The following VSNL1 variants were observed in gnomAD, a reference collection of about 807,000 sequenced individuals.
VSNL1 encodes visinin-like protein 1.
VSNL1 carries 6 observed loss-of-function variants against 20.4 expected under a neutral mutation model. That is an observed-to-expected ratio of 0.29 (90% confidence interval 0.16 to 0.58). The LOEUF (loss-of-function observed/expected upper bound fraction) is 0.58, where lower values mean the gene tolerates loss of function less well. VSNL1 is among the 20% of genes least tolerant of loss of function. The pLI is 0.90. For synonymous variants in VSNL1, 93 were observed against 86.4 expected (o/e 1.08, Z -0.42); for missense variants, 100 against 234.5 (o/e 0.43, Z 3.75).
intron 1 of VSNL1, among the ~76,000 whole-genome samples, chr2:17,543,924 A>T (rs1343132881): frequency 6.6e-6 from 1 of 152,086 alleles, no homozygotes; most frequent in Non-Finnish European, 1.5e-5. Flanking sequence ...ATACAATAAC[A>T]TTCTATGCCT....
chr2:17,642,309 C>CTGTTTTTTTTTTTTTTTTTTTTT (rs1665897688), intron 2 of VSNL1, among the ~76,000 whole-genome samples: 1 of 93,194 alleles, frequency 1.1e-5, no homozygotes. Flanking sequence ...GTGAGCATTC[C>CTGTTTTTTTTTTTTTTTTTTTTT]TTTTTTTTTT....
intron 3 of VSNL1, among the ~76,000 whole-genome samples, chr2:17,652,050 T>C (rs565574134): frequency 4.7e-4 from 71 of 152,290 alleles, no homozygotes; most frequent in African/African-American, 1.6e-3. Context: ...TGTGACCATT[T>C]TGGGGTTCTT....
chr2:17,547,151 T>C (rs1663422503), intron 1 of VSNL1, among the ~76,000 whole-genome samples: 1 of 152,004 alleles, frequency 6.6e-6, no homozygotes, highest in Non-Finnish European at 1.5e-5. Context: ...GGTATATTAA[T>C]ACTTAGACAA....
intron 1 of VSNL1, among the ~76,000 whole-genome samples, chr2:17,553,528 T>G (rs1488340126): frequency 6.6e-6 from 1 of 152,202 alleles, no homozygotes; most frequent in Non-Finnish European, 1.5e-5. Flanking sequence ...TGCTTTGTTT[T>G]CATATGAACT....
chr2:17,650,987 A>C (rs376342365), intron 3 of VSNL1, among the ~76,000 whole-genome samples: 26 of 152,350 alleles, frequency 1.7e-4, no homozygotes, highest in South Asian at 1.2e-3. Flanking sequence ...CAGCACAATA[A>C]TTCTGAACAT....
At chr2:17,559,810 TCTATCTATCCCTGAAAAACA>T (rs1663771635) in intron 1 of VSNL1, among the ~76,000 whole-genome samples, 1 of 152,086 alleles carries the variant, frequency 6.6e-6, no homozygotes, top group Admixed American at 6.5e-5. Flanking sequence ...GAAAAAGACT[TCTATCTATCCCTGAAAAACA>T]CTATAATAAA....
intron 2 of VSNL1, among the ~76,000 whole-genome samples, chr2:17,641,183 C>G (rs942719258): frequency 6.6e-6 from 1 of 152,206 alleles, no homozygotes; most frequent in African/African-American, 2.4e-5. Context: ...GGATAGACCA[C>G]TTTATTCTGG....
intron 1 of VSNL1, chr2:17,567,568 G>A (rs1663982344): frequency 6.6e-6 from 1 of 151,848 alleles, no homozygotes; most frequent in South Asian, 2.1e-4. Context: ...CACTGTGTTA[G>A]CCAGGATGGT....
chr2:17,651,643 C>T (rs535147407), intron 3 of VSNL1, among the ~76,000 whole-genome samples: 22 of 152,336 alleles, frequency 1.4e-4, no homozygotes, highest in African/African-American at 4.6e-4. Context: ...GGCCAGCTCC[C>T]GGCAGCACCA....
intron 2 of VSNL1, among the ~76,000 whole-genome samples, chr2:17,597,362 C>T (rs1006913839): frequency 3.3e-5 from 5 of 152,202 alleles, no homozygotes. Flanking sequence ...CTCAATTCTA[C>T]TGCTTATTAT....
intron 2 of VSNL1, among the ~76,000 whole-genome samples, chr2:17,598,605 G>C (rs1053688647): frequency 6.6e-6 from 1 of 152,200 alleles, no homozygotes; most frequent in Non-Finnish European, 1.5e-5. Context: ...CTGGAAGTAT[G>C]TTTAAATAGG....
chr2:17,642,109 C>T (rs541991369), intron 2 of VSNL1, among the ~76,000 whole-genome samples: 1 of 152,240 alleles, frequency 6.6e-6, no homozygotes, highest in Admixed American at 6.5e-5. Context: ...CTTAGTCACA[C>T]CCAGATACTC....
At chr2:17,604,290 T>C (rs759998844) in intron 2 of VSNL1, among the ~76,000 whole-genome samples, 4 of 152,254 alleles carry the variant, frequency 2.6e-5, no homozygotes, top group Non-Finnish European at 5.9e-5. Context: ...GGGCAGGGCC[T>C]TGATCCTGGA....
At chr2:17,559,108 CG>C (rs1663753456) in intron 1 of VSNL1, among the ~76,000 whole-genome samples, 1 of 151,966 alleles carries the variant, frequency 6.6e-6, no homozygotes, top group Admixed American at 6.6e-5. Context: ...AGCCACATAT[CG>C]GCTTTCTAAC....
chr2:17,647,459 A>G lies in VSNL1; in HGVS notation c.163-1951A>G, dbSNP rs145531540. On this transcript the variant is annotated intron_variant, in intron 2 of 3. Coordinates refer to ENST00000295156, the MANE Select transcript of VSNL1 (RefSeq NM_003385.5). ...CACAAGGCAGATGAACACATCAGCC[A>G]AAGTACCCTCTAGAAAGGGACCAGG... 8.4e-3 allele frequency among the ~76,000 whole-genome samples: 1,283 copies of G among 152,312 alleles called. 10 individuals are homozygous for G. Among genetic ancestry groups the G allele is most frequent in the Middle Eastern group, 0.024 (7 of 294 alleles).
At chr2:17,644,418 CAA>C (rs1385080840) in intron 2 of VSNL1, among the ~76,000 whole-genome samples, 5 of 152,184 alleles carry the variant, frequency 3.3e-5, no homozygotes. Context: ...AGGCCTAAAG[CAA>C]AGAGCAGCCT....
chr2:17,649,484 C>A lies in VSNL1; in HGVS notation c.237C>A (p.Thr79=), dbSNP rs754887928. ...CCTTCGACAAGAATGGGGACGGCAC[C>A]ATTGACTTCCGAGAGTTCATCTGCG... ...FRTFDKNGDG[T]IDFREFICAL... Residue 79 remains threonine (T), a synonymous_variant, in exon 3 of 4, where the codon ACC becomes ACA. Coordinates refer to ENST00000295156, the MANE Select transcript of VSNL1 (RefSeq NM_003385.5). The surrounding 1 kb of genome is among the most constrained non-coding windows in gnomAD (Gnocchi z 6.4). The A allele has an allele frequency of 1.2e-6, 2 of 1,614,172 alleles. No homozygotes were observed. The highest frequency in any genetic ancestry group is 1.7e-6 in the Non-Finnish European group (2 of 1,180,038).
intron 1 of VSNL1, among the ~76,000 whole-genome samples, chr2:17,571,211 C>T (rs754322641): frequency 1.6e-4 from 25 of 152,154 alleles, no homozygotes; most frequent in Non-Finnish European, 3.2e-4. Flanking sequence ...AGGCAACCTC[C>T]CTAGGTGTTT....
chr2:17,602,362 C>T (rs1664840322), intron 2 of VSNL1, among the ~76,000 whole-genome samples: 1 of 152,214 alleles, frequency 6.6e-6, no homozygotes, highest in Non-Finnish European at 1.5e-5. Context: ...GTCAGCTTCT[C>T]CCCTCACAGG....
Sources: gnomAD v4.1 joint callset for allele counts (sites outside exome capture counted in the v4.1 genomes callset) on GRCh38, gnomAD v4.1.1 for gene constraint, Gnocchi (gnomAD v3.1) non-coding constraint, MANE v1.5 for transcripts, NCBI Gene and HGNC (gene_info 2026-07-23, HGNC 2026-07-21) for gene names.